Variants in ECT2L observed in about 807,000 individuals in gnomAD.
The protein encoded by ECT2L is epithelial cell-transforming sequence 2 oncogene-like.
Under a neutral mutation model 122.8 loss-of-function variants are expected in ECT2L, and 126 were observed. That is an observed-to-expected ratio of 1.03 (90% confidence interval 0.89 to 1.19). The LOEUF (loss-of-function observed/expected upper bound fraction) is 1.19, where lower values mean the gene tolerates loss of function less well. ECT2L is among the 50% of genes most tolerant of loss of function. The probability of loss-of-function intolerance (pLI) is 0.00; values close to 1 mark genes in which losing one functional copy is unlikely to be tolerated. For synonymous variants in ECT2L, 385 were observed against 381.8 expected, an observed-to-expected ratio of 1.01 and a Z score of -0.10; for missense variants, 1,012 against 1,064.1, an observed-to-expected ratio of 0.95 and a Z score of 0.68.
chr6:138,903,644 G>A lies in ECT2L; in HGVS notation c.*1017G>A, dbSNP rs1275510706. ...GGAAACAGCAAAACTTGCTTGTAAT[G>A]AAATACAGCTGAGTAAAAATGTTTC... is the stretch of plus-strand genomic sequence containing the variant. On this transcript the variant is annotated 3_prime_UTR_variant, in exon 22 of 22. Transcript: ENST00000541398. 6.6e-6 allele frequency: 1 copy of A among 152,172 alleles called. No individual in the cohort carries two copies. Among genetic ancestry groups the A allele is most frequent in the Non-Finnish European group, 1.5e-5 (1 of 68,022 alleles). 9.4% of individuals were successfully genotyped at this position (152,172 alleles called of 1,614,324 possible). A position where few individuals can be genotyped will look rare whatever the true frequency, so the allele number is the denominator to read the frequency against.
At chr6:138,841,257 G>T (rs981252320) in intron 5 of ECT2L, among the ~76,000 whole-genome samples, 2 of 152,174 alleles carry the variant, frequency 1.3e-5, no homozygotes, top group African/African-American at 2.4e-5. Context: ...AAAGAAAAAA[G>T]AATTCTTGTC....
chr6:138,886,885 A>G lies in ECT2L; in HGVS notation c.2288A>G (p.His763Arg), dbSNP rs1384081170. Residue 763 changes from histidine (H) to arginine (R), a missense_variant, in exon 19 of 22, where the codon CAT becomes CGT. Physicochemically the swap from His to Arg is conservative, Grantham distance 29. Coordinates refer to ENST00000541398, the MANE Select transcript of ECT2L (RefSeq NM_001077706.3). Reference sequence around the variant, plus strand: ...AAGCAAAACATCACTATGAAGGATCATCTGTCAGATATACAGAGAATCATC... The same window carrying G: ...AAGCAAAACATCACTATGAAGGATCGTCTGTCAGATATACAGAGAATCATC... Reference protein sequence around the residue: ...QMKQNITMKDHLSDIQRIIWG... With the variant: ...QMKQNITMKDRLSDIQRIIWG... The G allele has an allele frequency of 2.5e-6, 4 of 1,613,564 alleles. No individual in the cohort carries two copies. The highest frequency in any genetic ancestry group is 1.7e-5 in the Admixed American group (1 of 59,962).
intron 10 of ECT2L, among the ~76,000 whole-genome samples, chr6:138,860,960 C>T (rs558378221): frequency 9.9e-5 from 15 of 152,122 alleles, no homozygotes; most frequent in Non-Finnish European, 1.6e-4. Context: ...CTTCCACTTA[C>T]GAGTGAGAAC....
intron 1 of ECT2L, among the ~76,000 whole-genome samples, chr6:138,812,289 C>A (rs1407670676): frequency 6.6e-6 from 1 of 152,174 alleles, no homozygotes; most frequent in Admixed American, 6.5e-5. Context: ...TTTGTTATGG[C>A]AGCCCAGTTA....
At chr6:138,899,213 A>G (rs1453609219) in intron 20 of ECT2L, among the ~76,000 whole-genome samples, 2 of 152,174 alleles carry the variant, frequency 1.3e-5, no homozygotes, top group African/African-American at 4.8e-5. Context: ...CCAAGCCTCT[A>G]AACAAAGCAA....
chr6:138,893,582 C>T (rs1353200558), intron 20 of ECT2L, among the ~76,000 whole-genome samples: 1 of 151,766 alleles, frequency 6.6e-6, no homozygotes, highest in Non-Finnish European at 1.5e-5. Flanking sequence ...TGTTACTGCT[C>T]GGCTAATTTT....
chr6:138,844,056 GTT>G (rs1371857155), intron 6 of ECT2L, among the ~76,000 whole-genome samples: 1 of 152,158 alleles, frequency 6.6e-6, no homozygotes, highest in Non-Finnish European at 1.5e-5. Flanking sequence ...GTTCTCCCAT[GTT>G]TTCTTCCCAC....
chr6:138,801,087 C>A lies in ECT2L; in HGVS notation c.-244+4895C>A, dbSNP rs571256562. ...ATGACCTATCTCTTAAAGGCCCAAC[C>A]TCTTACTATCATTACATTGGCCATT... On this transcript the variant is annotated intron_variant, in intron 1 of 21. Coordinates refer to ENST00000541398, the MANE Select transcript of ECT2L (RefSeq NM_001077706.3). 1.6e-4 allele frequency among the ~76,000 whole-genome samples: 25 copies of A among 152,310 alleles called. No individual in the cohort carries two copies. In the South Asian group the frequency reaches 4.8e-3, roughly 29 times the overall value.
At chr6:138,801,717 T>C (rs1260515418) in intron 1 of ECT2L, among the ~76,000 whole-genome samples, 1 of 151,932 alleles carries the variant, frequency 6.6e-6, no homozygotes, top group African/African-American at 2.4e-5. Context: ...ATCATGCCAC[T>C]GCACTCCAGT....
Position 138,844,429 on chromosome 6 carries a change from C to A in ECT2L, c.613C>A (p.Arg205=). 6.2e-7 allele frequency: 1 copy of A among 1,613,794 alleles called. No individual in the cohort carries two copies. Among genetic ancestry groups the A allele is most frequent in the South Asian group, 1.1e-5 (1 of 91,036 alleles). ...TTTTTCAGAGGAGTTATTCAAAGTT[C>A]GACCCCCTTGGGTGAGTGGAACTTG... ...ALRKKELFKV[R]PPWVSGTCCS... The change falls in exon 7 of 22, where the codon CGA becomes AGA. Residue 205 remains arginine, a synonymous_variant. Coordinates refer to ENST00000541398, the MANE Select transcript of ECT2L (RefSeq NM_001077706.3).
intron 10 of ECT2L, among the ~76,000 whole-genome samples, chr6:138,857,852 C>T (rs114340443): frequency 0.013 from 1,934 of 152,200 alleles, 39 homozygotes; most frequent in African/African-American, 0.044. Flanking sequence ...AATAACTGCC[C>T]GAGACTGGGT....
intron 16 of ECT2L, among the ~76,000 whole-genome samples, chr6:138,883,476 G>A (rs1030438794): frequency 2.0e-5 from 3 of 152,038 alleles, no homozygotes; most frequent in Admixed American, 6.6e-5. Flanking sequence ...AATTGGTATC[G>A]AAAGCCTAGA....
chr6:138,803,092 A>T (rs1435672007), intron 1 of ECT2L, among the ~76,000 whole-genome samples: 2 of 151,610 alleles, frequency 1.3e-5, no homozygotes, highest in African/African-American at 4.8e-5. Flanking sequence ...AAAAAAAATA[A>T]TAATGATAAT....
At chr6:138,885,444 G>A in intron 16 of ECT2L, 62 bp from the exon 17 acceptor site, 1 of 1,522,516 alleles carries the variant, frequency 6.6e-7, no homozygotes, top group Non-Finnish European at 9.1e-7. Context: ...TGCTTGCTCA[G>A]TGGAACAGTG....
intron 4 of ECT2L, among the ~76,000 whole-genome samples, chr6:138,832,968 G>A (rs1186716918): frequency 6.6e-6 from 1 of 152,020 alleles, no homozygotes; most frequent in Non-Finnish European, 1.5e-5. Context: ...GGGGGCCTCA[G>A]GAAACTTACA....
At chr6:138,848,635 G>A (rs1777317571) in intron 8 of ECT2L, among the ~76,000 whole-genome samples, 1 of 152,168 alleles carries the variant, frequency 6.6e-6, no homozygotes, top group African/African-American at 2.4e-5. Flanking sequence ...TAACCGGTGA[G>A]CTCAGTGGAT....
intron 1 of ECT2L, among the ~76,000 whole-genome samples, chr6:138,808,693 T>G (rs1361044659): frequency 6.6e-6 from 1 of 151,786 alleles, no homozygotes; most frequent in Non-Finnish European, 1.5e-5. Context: ...ATGTTAATAA[T>G]ACATAATGAC....
At chr6:138,873,890 G>GTGTGTGTGTA (rs1778346493) in intron 13 of ECT2L, among the ~76,000 whole-genome samples, 1 of 130,606 alleles carries the variant, frequency 7.7e-6, no homozygotes, top group South Asian at 2.4e-4. Context: ...GTGTGTGTGT[G>GTGTGTGTGTA]TGTGTGTGTG....
chr6:138,880,806 GTGA>G, intron 14 of ECT2L, 148 bp from the exon 15 acceptor site: 1 of 639,038 alleles, frequency 1.6e-6, no homozygotes, highest in Middle Eastern at 4.2e-4. Flanking sequence ...CTAGGGACAA[GTGA>G]TGGACAGCGG....
Sources: allele counts gnomAD v4.1 joint callset (sites outside exome capture counted in the v4.1 genomes callset), GRCh38; gene constraint gnomAD v4.1.1; transcripts MANE v1.5; gene names NCBI Gene and HGNC (gene_info 2026-07-23, HGNC 2026-07-21).